Variants in MEGF11 observed in about 807,000 individuals in gnomAD.
MEGF11 encodes the protein multiple EGF like domains 11, also known as multiple epidermal growth factor-like domains protein 11.
Under a neutral mutation model 146.6 loss-of-function variants are expected in MEGF11, and 126 were observed. The ratio of observed to expected loss-of-function variants is 0.86; its 90% CI spans 0.74 to 1.00. The LOEUF (loss-of-function observed/expected upper bound fraction) is 1.00. MEGF11 is among the 50% of genes least tolerant of loss of function. The pLI is 0.00. For synonymous variants in MEGF11, 532 were observed against 583.4 expected (o/e 0.91, Z 1.27); for missense variants, 1,509 against 1,521.2 (o/e 0.99, Z 0.13).
At chr15:65,992,028 G>A (rs935391647) in intron 5 of MEGF11, among the ~76,000 whole-genome samples, 2 of 152,242 alleles carry the variant, frequency 1.3e-5, no homozygotes, top group Admixed American at 1.3e-4. Context: ...AACTGGGGAG[G>A]GTGCTCCACT....
chr15:65,998,035 G>A lies in MEGF11; in HGVS notation c.395-15547C>T, dbSNP rs537682785. Among the ~76,000 whole-genome samples, 20 of 152,228 alleles carry A rather than the reference G, an allele frequency of 1.3e-4. 1 individual carries two copies. Among genetic ancestry groups the A allele is most frequent in the Admixed American group, 1.2e-3 (19 of 15,294 alleles). On this transcript the variant is annotated intron_variant, in intron 5 of 25. Coordinates refer to ENST00000395614, the MANE Select transcript of MEGF11 (RefSeq NM_001385028.1). Reference sequence around the variant, plus strand: ...AGAGTCAAGGCACGGGCAGGGGTGGGGGGCACTGTGAGGGAAAGGTGGCTC... The same window carrying A: ...AGAGTCAAGGCACGGGCAGGGGTGGAGGGCACTGTGAGGGAAAGGTGGCTC...
intron 1 of MEGF11, among the ~76,000 whole-genome samples, chr15:66,150,596 T>A (rs2089527680): frequency 6.8e-6 from 1 of 146,998 alleles, no homozygotes; most frequent in Admixed American, 6.9e-5. Context: ...ATAGTAGGCA[T>A]GTTAGAAAGA....
chr15:66,081,565 G>A (rs2085857421), intron 5 of MEGF11, among the ~76,000 whole-genome samples: 1 of 152,164 alleles, frequency 6.6e-6, no homozygotes, highest in South Asian at 2.1e-4. Context: ...TTTTAGTAGA[G>A]ACGGGGTTTC....
intron 5 of MEGF11, among the ~76,000 whole-genome samples, chr15:66,027,631 G>C (rs1326319814): frequency 6.6e-6 from 1 of 152,158 alleles, no homozygotes; most frequent in East Asian, 1.9e-4. Context: ...CGAGAGTCTG[G>C]AGCTTCAGAT....
At chr15:66,078,403 G>C (rs2085684796) in intron 5 of MEGF11, among the ~76,000 whole-genome samples, 1 of 152,208 alleles carries the variant, frequency 6.6e-6, no homozygotes, top group Non-Finnish European at 1.5e-5. Flanking sequence ...AGGATGACTG[G>C]ACTTCCCGGG....
intron 3 of MEGF11, among the ~76,000 whole-genome samples, chr15:66,123,485 A>G (rs1228883157): frequency 6.6e-6 from 1 of 152,184 alleles, no homozygotes; most frequent in African/African-American, 2.4e-5. Flanking sequence ...AGGAGGATGG[A>G]AAAGTGAGAC....
chr15:66,047,626 G>A lies in MEGF11; in HGVS notation c.394+46776C>T, dbSNP rs142721784. On this transcript the variant is annotated intron_variant, in intron 5 of 25. Transcript: ENST00000395614. ...CTTCAGGTCCTTTTATGTCCTTACT[G>A]TTTTTAATCCCTTTTTCCCTGGCCC... Among the ~76,000 whole-genome samples, 341 of 152,344 alleles carry A rather than the reference G, an allele frequency of 2.2e-3. 1 individual carries two copies. The highest frequency in any genetic ancestry group is 7.5e-3 in the African/African-American group (310 of 41,582).
At chr15:65,924,876 G>A (rs185060346) in intron 13 of MEGF11, among the ~76,000 whole-genome samples, 1 of 152,180 alleles carries the variant, frequency 6.6e-6, no homozygotes, top group Admixed American at 6.5e-5. Flanking sequence ...TGATCCGCCC[G>A]CCTCAGCCTC....
intron 5 of MEGF11, among the ~76,000 whole-genome samples, chr15:66,041,037 C>A (rs897476828): frequency 1.3e-5 from 2 of 151,726 alleles, no homozygotes; most frequent in Non-Finnish European, 2.9e-5. Context: ...TGCATAAATA[C>A]CTGAATGAAA....
chr15:66,119,249 A>T lies in MEGF11; in HGVS notation c.201-63T>A, dbSNP rs1233579431. The T allele has an allele frequency of 2.5e-6, 3 of 1,176,592 alleles. No homozygotes were observed. The Admixed American group carries it at 6.1e-5, about 24-fold the overall frequency. The allele number at this position is 1,176,592 out of a possible 1,614,324, so 72.9% of individuals were successfully genotyped here. A position where few individuals can be genotyped will look rare whatever the true frequency, so the allele number is the denominator to read the frequency against. On this transcript the variant is annotated intron_variant, in intron 3 of 25. Coordinates refer to ENST00000395614, the MANE Select transcript of MEGF11 (RefSeq NM_001385028.1). ...AAATCAATCACTCCCATTTAGAATG[A>T]TATTTGTGTTAAGCTATATTGAGGA...
intron 1 of MEGF11, among the ~76,000 whole-genome samples, chr15:66,191,600 G>C (rs1424581150): frequency 6.6e-6 from 1 of 152,186 alleles, no homozygotes; most frequent in Non-Finnish European, 1.5e-5. Context: ...GGCAAGATGT[G>C]GTGGGGCACA....
intron 1 of MEGF11, among the ~76,000 whole-genome samples, chr15:66,136,855 C>A (rs964673938): frequency 1.1e-4 from 16 of 152,128 alleles, no homozygotes; most frequent in African/African-American, 3.6e-4. Context: ...TAATGAGATC[C>A]CATCTCTACA....
In MEGF11 at chr15:66,150,491, T is replaced by G. The variant is rs551581300; in HGVS notation, c.-8-22080A>C. On this transcript the variant is annotated intron_variant, in intron 1 of 25. Transcript: ENST00000395614. ...AGTCGCAGAGCCTGGGAGTGGGGCT[T>G]TTTCCCCCAATTGTGATGACATTAA... 2.6e-5 allele frequency among the ~76,000 whole-genome samples: 4 copies of G among 152,060 alleles called. No individual in the cohort carries two copies. The East Asian group carries it at 7.7e-4, about 29-fold the overall frequency.
At chr15:66,107,060 C>CGCCCT (rs1555471316) in intron 4 of MEGF11, among the ~76,000 whole-genome samples, 3 of 150,730 alleles carry the variant, frequency 2.0e-5, no homozygotes, top group Non-Finnish European at 2.9e-5. Context: ...TCCTACCCCC[C>CGCCCT]CACCAGGTAT....
chr15:66,094,615 T>C, intron 4 of MEGF11, 121 bp from the exon 5 acceptor site: 2 of 780,284 alleles, frequency 2.6e-6, no homozygotes, highest in Non-Finnish European at 4.2e-6. Context: ...TTAGAACGCA[T>C]GACTGGCTTG....
chr15:66,040,064 C>T (rs1313278166), intron 5 of MEGF11, among the ~76,000 whole-genome samples: 1 of 152,176 alleles, frequency 6.6e-6, no homozygotes, highest in Non-Finnish European at 1.5e-5. Context: ...GTTACAGTGT[C>T]CGAACTGCTG....
intron 6 of MEGF11, among the ~76,000 whole-genome samples, chr15:65,981,566 G>T (rs1209918860): frequency 1.3e-5 from 2 of 152,108 alleles, no homozygotes; most frequent in Non-Finnish European, 2.9e-5. Context: ...AGAGTCCTTG[G>T]CCACCCCTCA....
At chr15:66,207,315 A>G (rs147512104) in intron 1 of MEGF11, among the ~76,000 whole-genome samples, 1 of 152,358 alleles carries the variant, frequency 6.6e-6, no homozygotes, top group East Asian at 1.9e-4. Context: ...AAAGAGAAGC[A>G]ATTCGTCCTG....
At chr15:66,092,712 T>A (rs1401531924) in intron 5 of MEGF11, among the ~76,000 whole-genome samples, 1 of 152,114 alleles carries the variant, frequency 6.6e-6, no homozygotes, top group Non-Finnish European at 1.5e-5. Flanking sequence ...CCCAGCACAG[T>A]CCCGAGCATA....
Sources: gnomAD v4.1 joint callset for allele counts (sites outside exome capture counted in the v4.1 genomes callset) on GRCh38, gnomAD v4.1.1 for gene constraint, MANE v1.5 for transcripts, NCBI Gene and HGNC (gene_info 2026-07-23, HGNC 2026-07-21) for gene names.